The following ANKFN1 variants were observed in gnomAD, a reference collection of about 807,000 sequenced individuals.
The protein encoded by ANKFN1 is ankyrin repeat and fibronectin type III domain containing 1.
Under a neutral mutation model 108.7 loss-of-function variants are expected in ANKFN1, and 74 were observed. The observed-to-expected ratio is 0.68, with a 90% CI of 0.56 to 0.83. The LOEUF (loss-of-function observed/expected upper bound fraction) is 0.83. ANKFN1 is among the 40% of genes least tolerant of loss of function. The pLI is 0.00. For missense variants in ANKFN1, 1,505 were observed against 1,382.3 expected, an observed-to-expected ratio of 1.09 and a Z score of -1.41; for synonymous variants, 547 against 516.2, an observed-to-expected ratio of 1.06 and a Z score of -0.81.
chr17:56,174,684 C>A (rs542998065), intron 1 of ANKFN1, among the ~76,000 whole-genome samples: 11 of 152,112 alleles, frequency 7.2e-5, no homozygotes, highest in African/African-American at 2.7e-4. Flanking sequence ...ACACTCAGAC[C>A]CCTACCTACT....
chr17:56,108,989 T>C (rs1269122463), intron 4 of ANKFN1, among the ~76,000 whole-genome samples: 1 of 152,202 alleles, frequency 6.6e-6, no homozygotes, highest in Non-Finnish European at 1.5e-5. Flanking sequence ...TAACATTTGG[T>C]TAATCATTAA....
chr17:56,244,640 T>A (rs1474738924), intron 3 of ANKFN1, among the ~76,000 whole-genome samples: 1 of 152,146 alleles, frequency 6.6e-6, no homozygotes, highest in Non-Finnish European at 1.5e-5. Flanking sequence ...CCAGGCAGGC[T>A]GCATATAGCC....
chr17:56,088,029 A>T (rs917332708), intron 4 of ANKFN1, among the ~76,000 whole-genome samples: 1 of 151,260 alleles, frequency 6.6e-6, no homozygotes, highest in Non-Finnish European at 1.5e-5. Flanking sequence ...AGGCATAGGC[A>T]TGAGAGGTTT....
chr17:56,313,628 T>A (rs912304314), intron 3 of ANKFN1, among the ~76,000 whole-genome samples: 1 of 152,208 alleles, frequency 6.6e-6, no homozygotes, highest in African/African-American at 2.4e-5. Flanking sequence ...CATCCCCATA[T>A]GCCTGCCCAT....
chr17:56,106,798 G>A (rs929877164), intron 4 of ANKFN1, among the ~76,000 whole-genome samples: 5 of 152,132 alleles, frequency 3.3e-5, no homozygotes, highest in Admixed American at 2.6e-4. Flanking sequence ...GAAAATCCAA[G>A]GGAGGGCGCC....
chr17:56,091,523 T>C (rs1441754165), intron 4 of ANKFN1, among the ~76,000 whole-genome samples: 1 of 150,902 alleles, frequency 6.6e-6, no homozygotes, highest in East Asian at 1.9e-4. Flanking sequence ...AAACAGATTG[T>C]TGAACCAGCT....
intron 20 of ANKFN1, among the ~76,000 whole-genome samples, chr17:56,501,594 T>A (rs766843495): frequency 2.0e-5 from 3 of 152,192 alleles, no homozygotes; most frequent in Non-Finnish European, 2.9e-5. Context: ...ACAAGCTGCA[T>A]GGAGTCTAGA....
Position 56,270,960 on chromosome 17 carries a change from C to CTTAG in ANKFN1, c.53+43003_53+43004insTTAG, listed in dbSNP as rs569897054. On this transcript the variant is annotated intron_variant, in intron 3 of 20. Transcript: ENST00000682825. ...TTAATTTTCTTCTTAGCACTTAGCACCACCACCTAAAATTATTTTAATTGT... is the reference window on the plus strand; with the variant it reads ...TTAATTTTCTTCTTAGCACTTAGCACTTAGCACCACCTAAAATTATTTTAATTGT... Among the ~76,000 whole-genome samples, 254 of 152,222 alleles carry CTTAG rather than the reference C, an allele frequency of 1.7e-3. 1 individual carries two copies. Among genetic ancestry groups the CTTAG allele is most frequent in the African/African-American group, 5.7e-3 (235 of 41,542 alleles).
intron 3 of ANKFN1, among the ~76,000 whole-genome samples, chr17:56,284,999 A>G (rs1409125794): frequency 6.6e-6 from 1 of 152,234 alleles, no homozygotes; most frequent in Non-Finnish European, 1.5e-5. Context: ...AATATATGGC[A>G]CAAGTCAAGA....
intron 1 of ANKFN1, among the ~76,000 whole-genome samples, chr17:56,188,581 G>GTATATATATATATATATATA (rs61556880): frequency 5.0e-4 from 25 of 49,632 alleles, no homozygotes; most frequent in Admixed American, 5.6e-4. Flanking sequence ...GTGTGTGTGT[G>GTATATATATATATATATATA]TATATATATA....
intron 1 of ANKFN1, among the ~76,000 whole-genome samples, chr17:56,210,093 G>GATAGATAT (rs1914869594): frequency 6.6e-6 from 1 of 152,050 alleles, no homozygotes; most frequent in Non-Finnish European, 1.5e-5. Flanking sequence ...TAGATAGATA[G>GATAGATAT]ATAGATAGAT....
At chr17:56,126,179 C>T (rs907273115) in intron 4 of ANKFN1, among the ~76,000 whole-genome samples, 6 of 152,094 alleles carry the variant, frequency 3.9e-5, no homozygotes, top group Admixed American at 6.6e-5. Flanking sequence ...AGTCAAATAC[C>T]ACATTCAGTC....
At chr17:56,105,086 G>A (rs1353445585) in intron 4 of ANKFN1, among the ~76,000 whole-genome samples, 3 of 152,294 alleles carry the variant, frequency 2.0e-5, no homozygotes, top group South Asian at 2.1e-4. Context: ...AGGGAAATAT[G>A]CAGCAACTTT....
chr17:56,314,888 C>T (rs2045153765), intron 3 of ANKFN1, among the ~76,000 whole-genome samples: 1 of 151,900 alleles, frequency 6.6e-6, no homozygotes, highest in African/African-American at 2.4e-5. Flanking sequence ...TAACTGAAAG[C>T]AACATAATTT....
chr17:56,374,816 G>GAAA, intron 8 of ANKFN1, 102 bp downstream of exon 8: 1 of 933,118 alleles, frequency 1.1e-6, no homozygotes, highest in Non-Finnish European at 1.6e-6. Context: ...CTACTGATAG[G>GAAA]AATGTTTTTA....
At chr17:56,502,171 C>T (rs1360199313) in intron 20 of ANKFN1, among the ~76,000 whole-genome samples, 4 of 152,168 alleles carry the variant, frequency 2.6e-5, no homozygotes, top group Non-Finnish European at 5.9e-5. Flanking sequence ...CTATTTCCAC[C>T]TTCGCAGCCC....
At chr17:56,247,894 A>G (rs2144038466) in intron 3 of ANKFN1, among the ~76,000 whole-genome samples, 1 of 152,336 alleles carries the variant, frequency 6.6e-6, no homozygotes, top group East Asian at 1.9e-4. Context: ...TGTTGCCTAT[A>G]TCAAATGTAT....
chr17:56,101,723 G>T (rs772019602), intron 4 of ANKFN1, among the ~76,000 whole-genome samples: 1 of 152,088 alleles, frequency 6.6e-6, no homozygotes, highest in Non-Finnish European at 1.5e-5. Context: ...CTGAGGGACC[G>T]GGTATTGGCA....
intron 20 of ANKFN1, among the ~76,000 whole-genome samples, chr17:56,503,517 A>ATATATATT (rs2051449611): frequency 1.4e-5 from 2 of 139,554 alleles, no homozygotes; most frequent in African/African-American, 5.7e-5. Context: ...ATATATATAT[A>ATATATATT]TATATATATA....
Sources: gnomAD v4.1 joint callset for allele counts (sites outside exome capture counted in the v4.1 genomes callset) on GRCh38, gnomAD v4.1.1 for gene constraint, MANE v1.5 for transcripts, NCBI Gene and HGNC (gene_info 2026-07-23, HGNC 2026-07-21) for gene names.